Variants in CERS6 observed in about 807,000 individuals in gnomAD.
CERS6 encodes the protein LAG1 homolog, ceramide synthase 6.
CERS6 carries 26 observed loss-of-function variants against 56.8 expected under a neutral mutation model. The observed-to-expected ratio is 0.46, with a 90% CI of 0.34 to 0.63. The LOEUF (loss-of-function observed/expected upper bound fraction) is 0.63, where lower values mean the gene tolerates loss of function less well. CERS6 is among the 30% of genes least tolerant of loss of function. The probability of loss-of-function intolerance (pLI) is 0.01; values close to 1 mark genes in which losing one functional copy is unlikely to be tolerated. For synonymous variants in CERS6, 164 were observed against 173.3 expected (o/e 0.95, Z 0.42); for missense variants, 415 against 467.5 (o/e 0.89, Z 1.04).
chr2:168,708,447 G>C (rs553412545), intron 6 of CERS6, among the ~76,000 whole-genome samples: 1 of 152,094 alleles, frequency 6.6e-6, no homozygotes, highest in Non-Finnish European at 1.5e-5. Context: ...TTTCAAATAA[G>C]AGTACTGTTT....
chr2:168,456,365 G>A lies in CERS6; in HGVS notation c.-84G>A. On this transcript the variant is annotated 5_prime_UTR_variant, in exon 1 of 10. Transcript: ENST00000305747. This position sits in a 1 kb window ranked among gnomAD's most constrained non-coding sequence, Gnocchi z 4.1. ...CGGCGGCGGCACAGGCTCGGGGCCA[G>A]CCGGGCGCGCATCCCCGGGCGCCCT... 8.8e-7 allele frequency: 1 copy of A among 1,142,416 alleles called. No homozygotes were observed. The highest frequency in any genetic ancestry group is 1.2e-6 in the Non-Finnish European group (1 of 861,446). The allele number at this position is 1,142,416 out of a possible 1,614,324, so 70.8% of individuals were successfully genotyped here.
chr2:168,590,487 G>A (rs956556609), intron 3 of CERS6, among the ~76,000 whole-genome samples: 12 of 152,246 alleles, frequency 7.9e-5, no homozygotes, highest in Non-Finnish European at 1.5e-4. Flanking sequence ...TCCTGTTAAT[G>A]TAAGCCACTT....
At chr2:168,588,563 A>G (rs1683600303) in intron 3 of CERS6, among the ~76,000 whole-genome samples, 1 of 152,150 alleles carries the variant, frequency 6.6e-6, no homozygotes, top group South Asian at 2.1e-4. Flanking sequence ...CTCAAGGTTC[A>G]CCCATGTTTT....
intron 4 of CERS6, among the ~76,000 whole-genome samples, chr2:168,656,580 C>T (rs1297147262): frequency 6.6e-6 from 1 of 152,042 alleles, no homozygotes; most frequent in Non-Finnish European, 1.5e-5. Context: ...TTGTTCTTTC[C>T]TCCCGGTGGG....
intron 3 of CERS6, among the ~76,000 whole-genome samples, chr2:168,573,327 A>G (rs574590263): frequency 6.6e-6 from 1 of 152,188 alleles, no homozygotes; most frequent in African/African-American, 2.4e-5. Flanking sequence ...ATTGCAAATG[A>G]GTGAGTGCTT....
intron 8 of CERS6, among the ~76,000 whole-genome samples, chr2:168,759,887 C>T (rs989970773): frequency 6.6e-6 from 1 of 150,760 alleles, no homozygotes; most frequent in African/African-American, 2.4e-5. Flanking sequence ...AAAAGCTGTA[C>T]GTTGTGTGTG....
intron 4 of CERS6, among the ~76,000 whole-genome samples, chr2:168,668,167 C>A (rs1685812736): frequency 6.6e-6 from 1 of 152,178 alleles, no homozygotes; most frequent in South Asian, 2.1e-4. Flanking sequence ...TTCTGATTTT[C>A]TTCTTGACTT....
intron 4 of CERS6, among the ~76,000 whole-genome samples, chr2:168,669,971 A>G (rs1685867033): frequency 6.6e-6 from 1 of 152,228 alleles, no homozygotes; most frequent in Admixed American, 6.5e-5. Flanking sequence ...GAGCTTCAGA[A>G]TCCTGATTAT....
chr2:168,608,342 C>T (rs540998915), intron 3 of CERS6, among the ~76,000 whole-genome samples: 50 of 152,248 alleles, frequency 3.3e-4, no homozygotes, highest in Admixed American at 1.7e-3. Flanking sequence ...GGATAGAAGC[C>T]TTTGCCTGGA....
intron 3 of CERS6, among the ~76,000 whole-genome samples, chr2:168,589,062 A>G (rs1200084972): frequency 6.6e-6 from 1 of 152,194 alleles, no homozygotes; most frequent in Non-Finnish European, 1.5e-5. Flanking sequence ...TTTTGGGTAT[A>G]TAGAAGTGGG....
intron 8 of CERS6, among the ~76,000 whole-genome samples, chr2:168,748,842 C>A (rs994420877): frequency 7.5e-6 from 1 of 133,148 alleles, no homozygotes; most frequent in African/African-American, 2.7e-5. Flanking sequence ...GGGGGGGGGG[C>A]AGGTATTAAA....
Position 168,547,607 on chromosome 2 carries a change from A to G in CERS6, c.182A>G (p.Lys61Arg), listed in dbSNP as rs748335508. ...TTTGTAATTTTTAGATTTGTAGCCAAACCGTGCGCCATAGCCCTCAACATT... is the reference window on the plus strand; with the variant it reads ...TTTGTAATTTTTAGATTTGTAGCCAGACCGTGCGCCATAGCCCTCAACATT... ...VRLIFERFVAKPCAIALNIQA... is the reference protein window; with the variant it reads ...VRLIFERFVARPCAIALNIQA... The change falls in exon 2 of 10, where the codon AAA becomes AGA. Residue 61 changes from lysine (K) to arginine (R), a missense_variant. Transcript: ENST00000305747. 1 of 1,613,170 alleles carries G rather than the reference A, an allele frequency of 6.2e-7. No homozygotes were observed. Among genetic ancestry groups the G allele is most frequent in the Non-Finnish European group, 8.5e-7 (1 of 1,179,136 alleles).
intron 4 of CERS6, among the ~76,000 whole-genome samples, chr2:168,633,162 C>CT (rs569052274): frequency 4.9e-4 from 68 of 139,034 alleles, no homozygotes; most frequent in East Asian, 1.2e-3. Flanking sequence ...ATAACAAATG[C>CT]TTTTTTTTTT....
intron 4 of CERS6, among the ~76,000 whole-genome samples, chr2:168,671,560 C>T (rs10490712): frequency 0.11 from 17,224 of 152,102 alleles, 1,197 homozygotes; most frequent in Non-Finnish European, 0.16. Context: ...TACAGTGAAT[C>T]GTGAGTCTCA....
chr2:168,708,908 G>A (rs781656733), intron 6 of CERS6, among the ~76,000 whole-genome samples: 3 of 152,108 alleles, frequency 2.0e-5, no homozygotes, highest in African/African-American at 4.8e-5. Flanking sequence ...TCCTGTTTAT[G>A]TATGTGTATG....
intron 4 of CERS6, among the ~76,000 whole-genome samples, chr2:168,657,119 G>A (rs1216263129): frequency 6.6e-6 from 1 of 151,674 alleles, no homozygotes; most frequent in African/African-American, 2.4e-5. Flanking sequence ...CCTCACCAGA[G>A]CAGCTAGATA....
intron 6 of CERS6, among the ~76,000 whole-genome samples, chr2:168,698,406 T>G (rs868298850): frequency 6.6e-6 from 1 of 152,018 alleles, no homozygotes; most frequent in South Asian, 2.1e-4. Context: ...AGGAAACTTA[T>G]AATCATAGCA....
chr2:168,690,900 T>G lies in CERS6; in HGVS notation c.466-134T>G, dbSNP rs1205886970. 4.1e-6 allele frequency: 3 copies of G among 724,706 alleles called. No individual in the cohort carries two copies. The African/African-American group carries it at 5.3e-5, about 13-fold the overall frequency. The allele number at this position is 724,706 out of a possible 1,614,324, so 44.9% of individuals were successfully genotyped here. A position where few individuals can be genotyped will look rare whatever the true frequency, so the allele number is the denominator to read the frequency against. On this transcript the variant is annotated intron_variant, in intron 4 of 9. Coordinates refer to ENST00000305747, the MANE Select transcript of CERS6 (RefSeq NM_203463.3). ...CTTTAATATCCTATGCCTAGCTGTT[T>G]TAAAGTTTGTCAGTTCTCACACAGG...
chr2:168,750,808 G>T (rs377258993), intron 8 of CERS6, among the ~76,000 whole-genome samples: 1 of 152,104 alleles, frequency 6.6e-6, no homozygotes, highest in Non-Finnish European at 1.5e-5. Context: ...ATTTTGACAC[G>T]TATTGTAACA....
Sources: gnomAD v4.1 joint callset for allele counts (sites outside exome capture counted in the v4.1 genomes callset) on GRCh38, gnomAD v4.1.1 for gene constraint, Gnocchi (gnomAD v3.1) non-coding constraint, MANE v1.5 for transcripts, NCBI Gene and HGNC (gene_info 2026-07-23, HGNC 2026-07-21) for gene names.